Variants in FHIT observed in about 807,000 individuals in gnomAD.
FHIT encodes fragile histidine triad diadenosine triphosphatase, also known as bis(5'-adenosyl)-triphosphatase.
Under a neutral mutation model 17.9 loss-of-function variants are expected in FHIT, and 19 were observed. The ratio of observed to expected loss-of-function variants is 1.06; its 90% CI spans 0.74 to 1.56. The LOEUF is 1.56. Among genes scored for constraint, FHIT ranks in the 40% most tolerant of loss-of-function variants. The pLI is 0.00. For missense variants in FHIT, 248 were observed against 189.2 expected (o/e 1.31, Z -1.82); for synonymous variants, 81 against 69.7 (o/e 1.16, Z -0.81).
At position 60,546,340 on chromosome 3, in the gene FHIT, G is replaced by A. The variant is rs181315189; in HGVS notation, c.-17-9361C>T. On this transcript the variant is annotated intron_variant, in intron 4 of 9. Coordinates refer to ENST00000492590, the MANE Select transcript of FHIT (RefSeq NM_002012.4). ...ATTTTTATTTCAGTAGTGGTTATTCGTGTTCTTATCCTATCCATACTAATG... is the reference window on the plus strand; with the variant it reads ...ATTTTTATTTCAGTAGTGGTTATTCATGTTCTTATCCTATCCATACTAATG... Among the ~76,000 whole-genome samples the A allele has an allele frequency of 1.8e-3, 280 of 151,928 alleles. 1 individual carries two copies. The highest frequency in any genetic ancestry group is 6.4e-3 in the African/African-American group (267 of 41,428).
intron 8 of FHIT, among the ~76,000 whole-genome samples, chr3:59,912,781 G>A (rs2107147408): frequency 6.6e-6 from 1 of 152,316 alleles, no homozygotes; most frequent in East Asian, 1.9e-4. Flanking sequence ...AGGATTTCCA[G>A]CAGGTACTGG....
At chr3:60,630,625 A>G (rs1553682170) in intron 4 of FHIT, among the ~76,000 whole-genome samples, 2 of 152,130 alleles carry the variant, frequency 1.3e-5, no homozygotes, top group African/African-American at 4.8e-5. Context: ...GTGTCTGCCT[A>G]CTATGTGAGC....
chr3:60,753,545 G>A (rs1575481294), intron 4 of FHIT, among the ~76,000 whole-genome samples: 1 of 152,186 alleles, frequency 6.6e-6, no homozygotes, highest in Non-Finnish European at 1.5e-5. Context: ...ATTACATTAA[G>A]CAATATTCTG....
intron 5 of FHIT, among the ~76,000 whole-genome samples, chr3:60,073,809 G>A (rs865994069): frequency 7.9e-5 from 12 of 152,038 alleles, no homozygotes; most frequent in Admixed American, 2.6e-4. Context: ...TGGAATTCTA[G>A]CCTCTGTCCT....
intron 4 of FHIT, among the ~76,000 whole-genome samples, chr3:60,578,635 C>T (rs1240865949): frequency 6.6e-6 from 1 of 152,088 alleles, no homozygotes; most frequent in African/African-American, 2.4e-5. Context: ...ATGAGGAGGA[C>T]ATTTAAAGAA....
At chr3:59,871,632 G>T (rs759906090) in intron 8 of FHIT, among the ~76,000 whole-genome samples, 3 of 152,182 alleles carry the variant, frequency 2.0e-5, no homozygotes, top group Non-Finnish European at 4.4e-5. Flanking sequence ...ATGACAGCCA[G>T]CCAGGAAGCT....
At chr3:60,443,767 T>C (rs992609413) in intron 5 of FHIT, among the ~76,000 whole-genome samples, 6 of 152,098 alleles carry the variant, frequency 3.9e-5, no homozygotes, top group Admixed American at 1.3e-4. Flanking sequence ...GGCTTTGGTA[T>C]CAGGATGATG....
intron 3 of FHIT, among the ~76,000 whole-genome samples, chr3:60,962,771 G>A (rs570552241): frequency 2.0e-4 from 31 of 152,296 alleles, no homozygotes; most frequent in African/African-American, 6.7e-4. Context: ...GCATCCCAGG[G>A]ATGAAGCCAA....
intron 7 of FHIT, among the ~76,000 whole-genome samples, chr3:59,955,439 C>G (rs73839795): frequency 2.0e-5 from 3 of 152,170 alleles, no homozygotes. Context: ...TCTTCCCCAG[C>G]GACACACTTT....
intron 5 of FHIT, among the ~76,000 whole-genome samples, chr3:60,279,716 A>G (rs1460281271): frequency 6.6e-6 from 1 of 152,192 alleles, no homozygotes; most frequent in Non-Finnish European, 1.5e-5. Flanking sequence ...GTTATTATAT[A>G]CTACAACTAG....
intron 5 of FHIT, among the ~76,000 whole-genome samples, chr3:60,382,167 T>A (rs921148306): frequency 5.9e-5 from 9 of 152,180 alleles, no homozygotes; most frequent in African/African-American, 1.9e-4. Flanking sequence ...GTACACCTAC[T>A]TAATTTTAAT....
chr3:59,971,641 C>G (rs1028942146), intron 7 of FHIT, among the ~76,000 whole-genome samples: 9 of 152,138 alleles, frequency 5.9e-5, no homozygotes, highest in African/African-American at 1.9e-4. Context: ...CCATGTGCAT[C>G]AACCAATGGG....
chr3:61,169,809 C>T (rs2037950300), intron 2 of FHIT, among the ~76,000 whole-genome samples: 1 of 152,088 alleles, frequency 6.6e-6, no homozygotes, highest in Admixed American at 6.6e-5. Flanking sequence ...AGGTTCAACT[C>T]CAAATACAAC....
intron 5 of FHIT, among the ~76,000 whole-genome samples, chr3:60,178,952 ACCAT>A (rs1701802269): frequency 6.6e-6 from 1 of 152,134 alleles, no homozygotes; most frequent in African/African-American, 2.4e-5. Flanking sequence ...AATACGTATT[ACCAT>A]CTCATATTCA....
At chr3:59,761,434 C>G (rs1701507520) in intron 8 of FHIT, among the ~76,000 whole-genome samples, 1 of 152,090 alleles carries the variant, frequency 6.6e-6, no homozygotes, top group Non-Finnish European at 1.5e-5. Flanking sequence ...TATGTATGCT[C>G]TCTGTTTTCT....
chr3:61,207,269 T>A (rs1289399037), intron 1 of FHIT, among the ~76,000 whole-genome samples: 1 of 152,136 alleles, frequency 6.6e-6, no homozygotes, highest in Non-Finnish European at 1.5e-5. Context: ...GGGATATTGA[T>A]CTAAAATTCT....
intron 5 of FHIT, among the ~76,000 whole-genome samples, chr3:60,088,948 A>G (rs910834001): frequency 1.3e-5 from 2 of 152,204 alleles, no homozygotes; most frequent in East Asian, 1.9e-4. Flanking sequence ...TAAGGCAACA[A>G]TTTCAAGGGT....
At chr3:61,128,736 TCAAAAGGGAAACAC>T (rs1478575508) in intron 2 of FHIT, among the ~76,000 whole-genome samples, 25 of 152,188 alleles carry the variant, frequency 1.6e-4, no homozygotes, top group Non-Finnish European at 3.4e-4. Flanking sequence ...CAGCAGGCTC[TCAAAAGGGAAACAC>T]TTATCTTGTG....
At chr3:60,524,197 GACACACACACACACAC>G (rs56975783) in intron 5 of FHIT, among the ~76,000 whole-genome samples, 6,518 of 144,944 alleles carry the variant, frequency 0.045, 179 homozygotes, top group East Asian at 0.075. Flanking sequence ...GTCAGCCTGA[GACACACACACACACAC>G]ACACACACAC....
Sources: gnomAD v4.1 joint callset for allele counts (sites outside exome capture counted in the v4.1 genomes callset) on GRCh38, gnomAD v4.1.1 for gene constraint, MANE v1.5 for transcripts, NCBI Gene and HGNC (gene_info 2026-07-23, HGNC 2026-07-21) for gene names.